The following RHBDD1 variants were observed in gnomAD, a reference collection of about 807,000 sequenced individuals.
RHBDD1 encodes the protein rhomboid-related protein 4.
In RHBDD1, 38 loss-of-function variants were observed where a neutral mutation model predicts 36.3. That is an observed-to-expected ratio of 1.05 (90% CI 0.81 to 1.37). RHBDD1 has a LOEUF of 1.37. Ranked by LOEUF, RHBDD1 falls within the 40% of genes most tolerant of loss-of-function variation. RHBDD1 has a pLI of 0.00. For synonymous variants in RHBDD1, 151 were observed against 136.5 expected (o/e 1.11, Z -0.74); for missense variants, 393 against 377.6 (o/e 1.04, Z -0.34).
At chr2:226,965,227 A>G (rs1952530233) in intron 8 of RHBDD1, among the ~76,000 whole-genome samples, 1 of 152,332 alleles carries the variant, frequency 6.6e-6, no homozygotes, top group East Asian at 1.9e-4. Context: ...GTCACAAGCC[A>G]GGGAACACCA....
intron 3 of RHBDD1, among the ~76,000 whole-genome samples, chr2:226,856,863 C>G (rs1039563722): frequency 2.0e-5 from 3 of 152,104 alleles, no homozygotes; most frequent in Admixed American, 1.3e-4. Context: ...ACACACTAAC[C>G]CTTCTTTTTC....
At chr2:226,873,124 G>T (rs1333487515) in intron 5 of RHBDD1, among the ~76,000 whole-genome samples, 1 of 152,296 alleles carries the variant, frequency 6.6e-6, no homozygotes, top group Non-Finnish European at 1.5e-5. Flanking sequence ...CTGTGGGACC[G>T]CTGCTCTTGC....
At chr2:226,863,923 T>C (rs1944086584) in intron 3 of RHBDD1, among the ~76,000 whole-genome samples, 1 of 152,116 alleles carries the variant, frequency 6.6e-6, no homozygotes, top group Non-Finnish European at 1.5e-5. Context: ...GTGCCTGTGC[T>C]CTGGGTTCCC....
intron 5 of RHBDD1, among the ~76,000 whole-genome samples, chr2:226,894,156 C>T (rs1228264202): frequency 2.0e-5 from 3 of 152,192 alleles, no homozygotes; most frequent in Non-Finnish European, 2.9e-5. Flanking sequence ...GCATCTGTAA[C>T]CACCTGCATT....
chr2:226,865,176 G>A (rs571757738), intron 4 of RHBDD1, 50 bp downstream of exon 4: 1 of 1,378,174 alleles, frequency 7.3e-7, no homozygotes. Flanking sequence ...AGCAAGGGAG[G>A]TGTGGCTGCT....
rs138086163 is a variant in RHBDD1, at chr2:226,873,794, G to A, written c.566+6476G>A. On this transcript the variant is annotated intron_variant, in intron 5 of 8. Coordinates refer to ENST00000392062, the MANE Select transcript of RHBDD1 (RefSeq NM_001167608.3). ...CTATGATGGTATGAAATTGAGACAT[G>A]GAGGAAGAAAAGGTCCTGGTAGTCA... Among the ~76,000 whole-genome samples the A allele has an allele frequency of 2.9e-3, 449 of 152,312 alleles. 2 individuals carry two copies. Among genetic ancestry groups the A allele is most frequent in the African/African-American group, 0.01 (422 of 41,566 alleles).
chr2:226,975,966 C>T (rs1242718965), intron 8 of RHBDD1, among the ~76,000 whole-genome samples: 3 of 151,934 alleles, frequency 2.0e-5, no homozygotes, highest in African/African-American at 7.3e-5. Context: ...ATCTGGGGAA[C>T]AGTCACACTC....
chr2:226,894,068 A>G (rs935962510), intron 5 of RHBDD1, among the ~76,000 whole-genome samples: 3 of 152,188 alleles, frequency 2.0e-5, no homozygotes. Context: ...TTTATTTGGA[A>G]TTAAGAGTTT....
chr2:226,960,061 A>G lies in RHBDD1; in HGVS notation c.857-35370A>G, dbSNP rs199892888. Among the ~76,000 whole-genome samples the G allele has an allele frequency of 4.7e-4, 71 of 152,158 alleles. 1 individual carries two copies. In the East Asian group the frequency reaches 6.6e-3, roughly 14 times the overall value. On this transcript the variant is annotated intron_variant, in intron 8 of 8. Coordinates refer to ENST00000392062, the MANE Select transcript of RHBDD1 (RefSeq NM_001167608.3). ...AATGGTCTCAAACTCCTGACCTTGT[A>G]ATCTGCCCACCTTGGCCTCCCTAAG...
rs572911069 is a variant in RHBDD1, at chr2:226,893,076, A to G, written c.567-13717A>G. On this transcript the variant is annotated intron_variant, in intron 5 of 8. Coordinates refer to ENST00000392062, the MANE Select transcript of RHBDD1 (RefSeq NM_001167608.3). ...CATTTCCACAGTTCCAGTTGAGACT[A>G]TTTCCTGCCATCTTTTCTTCTTCAT... Among the ~76,000 whole-genome samples the G allele has an allele frequency of 2.0e-4, 31 of 152,270 alleles. No individual in the cohort carries two copies. In the South Asian group the frequency reaches 5.6e-3, roughly 27 times the overall value.
chr2:226,954,589 C>T (rs1041911474), intron 8 of RHBDD1, among the ~76,000 whole-genome samples: 8 of 151,994 alleles, frequency 5.3e-5, no homozygotes, highest in South Asian at 4.2e-4. Context: ...ACTGCTCCCC[C>T]GACCCCCACC....
At chr2:226,955,739 C>T (rs1951745566) in intron 8 of RHBDD1, among the ~76,000 whole-genome samples, 1 of 152,236 alleles carries the variant, frequency 6.6e-6, no homozygotes, top group Non-Finnish European at 1.5e-5. Context: ...CTCACTTGGC[C>T]TTTTCTCTGT....
chr2:226,963,514 G>A (rs182081996), intron 8 of RHBDD1, among the ~76,000 whole-genome samples: 29 of 152,280 alleles, frequency 1.9e-4, no homozygotes, highest in Non-Finnish European at 3.5e-4. Flanking sequence ...TGACCCCAGT[G>A]TTCTGAGTAA....
chr2:226,818,602 A>T, the RHBDD1 span, among the ~76,000 whole-genome samples: 1 of 151,086 alleles, frequency 6.6e-6, no homozygotes, highest in Non-Finnish European at 1.5e-5. Context: ...GCACTTTGGG[A>T]GGCCGAGGTG....
At chr2:226,829,976 GTT>G in the RHBDD1 span, among the ~76,000 whole-genome samples, 1 of 146,252 alleles carries the variant, frequency 6.8e-6, no homozygotes, top group East Asian at 2.0e-4. Flanking sequence ...TTGACTGTAG[GTT>G]TTTTTTTTTA....
chr2:226,863,258 G>T (rs1441689783), intron 3 of RHBDD1, among the ~76,000 whole-genome samples: 1 of 152,194 alleles, frequency 6.6e-6, no homozygotes, highest in Non-Finnish European at 1.5e-5. Flanking sequence ...AGAATCATTT[G>T]CACCCAGGAG....
chr2:226,873,272 G>A (rs1944939205), intron 5 of RHBDD1, among the ~76,000 whole-genome samples: 1 of 152,190 alleles, frequency 6.6e-6, no homozygotes, highest in Non-Finnish European at 1.5e-5. Flanking sequence ...ATACCATGCT[G>A]AACCCAAACC....
intron 8 of RHBDD1, among the ~76,000 whole-genome samples, chr2:226,933,195 G>A (rs1000806992): frequency 2.0e-5 from 3 of 152,092 alleles, no homozygotes; most frequent in Non-Finnish European, 4.4e-5. Flanking sequence ...TACAATTCAA[G>A]ATGAGATTTG....
At chr2:226,986,165 A>G (rs1956906267) in intron 8 of RHBDD1, among the ~76,000 whole-genome samples, 2 of 152,274 alleles carry the variant, frequency 1.3e-5, no homozygotes, top group South Asian at 4.1e-4. Flanking sequence ...GCTACCACTC[A>G]AGACTGTCAA....
Sources: gnomAD v4.1 joint callset for allele counts (sites outside exome capture counted in the v4.1 genomes callset) on GRCh38, gnomAD v4.1.1 for gene constraint, MANE v1.5 for transcripts, NCBI Gene and HGNC (gene_info 2026-07-23, HGNC 2026-07-21) for gene names.